Variants in GLRA1 observed in about 807,000 individuals in gnomAD.
The protein encoded by GLRA1 is glycine receptor subunit alpha-1.
Under a neutral mutation model 48.3 loss-of-function variants are expected in GLRA1, and 37 were observed. That is an observed-to-expected ratio of 0.77 (90% confidence interval 0.59 to 1.01). GLRA1 has a LOEUF of 1.01. Ranked by LOEUF, GLRA1 falls within the 50% of genes least tolerant of loss-of-function variation. GLRA1 has a pLI of 0.00. For synonymous variants in GLRA1, 196 were observed against 210.7 expected (o/e 0.93, Z 0.60); for missense variants, 427 against 571.0 (o/e 0.75, Z 2.57).
chr5:151,894,063 G>A (rs912541568), intron 1 of GLRA1, among the ~76,000 whole-genome samples: 7 of 152,194 alleles, frequency 4.6e-5, no homozygotes, highest in East Asian at 1.9e-4. Flanking sequence ...CCAGGAGATA[G>A]TTAGGAGCCA....
chr5:151,860,123 G>A, intron 3 of GLRA1, 115 bp from the exon 4 acceptor site: 1 of 754,776 alleles, frequency 1.3e-6, no homozygotes, highest in Non-Finnish European at 2.4e-6. Context: ...TATTAAGTGT[G>A]GTTGCATCTT....
chr5:151,909,470 T>C (rs1223843192), intron 1 of GLRA1, among the ~76,000 whole-genome samples: 1 of 152,232 alleles, frequency 6.6e-6, no homozygotes, highest in Non-Finnish European at 1.5e-5. Context: ...TCTGATACTT[T>C]CCATTTTCTC....
intron 6 of GLRA1, among the ~76,000 whole-genome samples, chr5:151,853,162 A>G (rs568716426): frequency 2.0e-5 from 3 of 152,276 alleles, no homozygotes; most frequent in African/African-American, 7.2e-5. Flanking sequence ...AGTTCTGGAG[A>G]TCTAATGTAC....
intron 7 of GLRA1, among the ~76,000 whole-genome samples, chr5:151,843,838 A>G (rs1358207273): frequency 2.0e-5 from 3 of 152,178 alleles, no homozygotes; most frequent in Admixed American, 6.5e-5. Flanking sequence ...ACTCTTCTCA[A>G]CAAATGGTGC....
intron 3 of GLRA1, among the ~76,000 whole-genome samples, chr5:151,863,569 T>G (rs777516645): frequency 6.6e-6 from 1 of 152,114 alleles, no homozygotes; most frequent in African/African-American, 2.4e-5. Flanking sequence ...CTATGTTGGA[T>G]CTCCCAAAGG....
intron 8 of GLRA1, among the ~76,000 whole-genome samples, chr5:151,824,805 A>G (rs1256521961): frequency 6.6e-6 from 1 of 152,176 alleles, no homozygotes; most frequent in East Asian, 1.9e-4. Context: ...TTACTAGATT[A>G]TAAGCTCCGT....
intron 1 of GLRA1, among the ~76,000 whole-genome samples, chr5:151,910,272 C>A (rs1361517242): frequency 1.3e-5 from 2 of 152,196 alleles, no homozygotes; most frequent in South Asian, 2.1e-4. Flanking sequence ...TGCCCATACT[C>A]TCTGGCATCC....
chr5:151,839,078 A>G (rs1008927913), intron 7 of GLRA1, among the ~76,000 whole-genome samples: 1 of 152,258 alleles, frequency 6.6e-6, no homozygotes, highest in African/African-American at 2.4e-5. Context: ...CATTAACACC[A>G]TCGGGTACAG....
intron 1 of GLRA1, among the ~76,000 whole-genome samples, chr5:151,899,634 T>C (rs1754315296): frequency 1.3e-5 from 2 of 152,048 alleles, no homozygotes. Context: ...TTTGTCTGAG[T>C]TGGATCATCA....
At chr5:151,827,029 GTTTTTTTT>G (rs199505206) in intron 8 of GLRA1, among the ~76,000 whole-genome samples, 20 of 126,804 alleles carry the variant, frequency 1.6e-4, no homozygotes, top group Non-Finnish European at 3.1e-4. Context: ...CTTTCTTTCT[GTTTTTTTT>G]TTTTTTTTTG....
chr5:151,888,341 G>C (rs889529026), intron 2 of GLRA1, among the ~76,000 whole-genome samples: 4 of 152,158 alleles, frequency 2.6e-5, no homozygotes, highest in Admixed American at 6.5e-5. Flanking sequence ...CAGGATTTCT[G>C]GGTTTTGGAC....
intron 7 of GLRA1, among the ~76,000 whole-genome samples, chr5:151,846,582 AGT>A (rs1752676732): frequency 6.6e-6 from 1 of 152,228 alleles, no homozygotes; most frequent in South Asian, 2.1e-4. Context: ...AATAGAGGAG[AGT>A]GTGGTGTCTA....
At chr5:151,871,545 A>G (rs1172105603) in intron 3 of GLRA1, among the ~76,000 whole-genome samples, 1 of 149,216 alleles carries the variant, frequency 6.7e-6, no homozygotes, top group Non-Finnish European at 1.5e-5. Flanking sequence ...TCCTAATCAA[A>G]ACCTGAGAGG....
intron 8 of GLRA1, among the ~76,000 whole-genome samples, chr5:151,827,634 C>T (rs756422045): frequency 1.1e-4 from 16 of 152,196 alleles, no homozygotes; most frequent in Admixed American, 6.5e-4. Context: ...TGTCACAGCA[C>T]ATTGCGCCTG....
At chr5:151,919,130 T>C (rs1262823363) in intron 1 of GLRA1, among the ~76,000 whole-genome samples, 1 of 152,244 alleles carries the variant, frequency 6.6e-6, no homozygotes, top group Non-Finnish European at 1.5e-5. Flanking sequence ...CTTTTGTTTT[T>C]TCTTAGGTCA....
intron 2 of GLRA1, 117 bp from the exon 3 acceptor site, chr5:151,886,905 TGCTTGCTCTCCAC>T: frequency 1.3e-6 from 1 of 790,888 alleles, no homozygotes; most frequent in South Asian, 1.4e-5. Context: ...AGGAGATCCT[TGCTTGCTCTCCAC>T]CCCACCCCCA....
chr5:151,887,034 T>A (rs1459873749), intron 2 of GLRA1, among the ~76,000 whole-genome samples: 1 of 152,210 alleles, frequency 6.6e-6, no homozygotes, highest in African/African-American at 2.4e-5. Context: ...AGATGTACTT[T>A]CATTAACACA....
At chr5:151,900,944 C>A (rs1754352087) in intron 1 of GLRA1, among the ~76,000 whole-genome samples, 1 of 152,034 alleles carries the variant, frequency 6.6e-6, no homozygotes, top group Non-Finnish European at 1.5e-5. Context: ...TGATATATAC[C>A]CGAAATTCCA....
chr5:151,872,607 G>A (rs1208098651), intron 3 of GLRA1, among the ~76,000 whole-genome samples: 1 of 149,812 alleles, frequency 6.7e-6, no homozygotes, highest in East Asian at 1.9e-4. Flanking sequence ...AGCCTTGTTT[G>A]TAATAGTGTA....
Sources: gnomAD v4.1 joint callset for allele counts (sites outside exome capture counted in the v4.1 genomes callset) on GRCh38, gnomAD v4.1.1 for gene constraint, MANE v1.5 for transcripts, NCBI Gene and HGNC (gene_info 2026-07-23, HGNC 2026-07-21) for gene names.